IL1RAPL2: variants seen among roughly 807,000 people sequenced by gnomAD.
IL1RAPL2 encodes interleukin 1 receptor accessory protein like 2.
A neutral mutation model predicts 44.1 loss-of-function variants in IL1RAPL2; 3 were observed. The observed-to-expected ratio is 0.07, with a 90% CI of 0.03 to 0.18. The LOEUF is 0.18. Among genes scored for constraint, IL1RAPL2 ranks in the 10% least tolerant of loss-of-function variants. IL1RAPL2 has a pLI of 1.00. For synonymous variants in IL1RAPL2, 181 were observed against 178.8 expected, an observed-to-expected ratio of 1.01 and a Z score of -0.10; for missense variants, 391 against 496.4, an observed-to-expected ratio of 0.79 and a Z score of 2.02.
intron 1 of IL1RAPL2, among the ~76,000 whole-genome samples, chrX:104,591,349 C>T (rs1928661747): frequency 9.0e-6 from 1 of 111,672 alleles, no homozygotes; most frequent in Admixed American, 9.6e-5. Flanking sequence ...AAGGAACAAG[C>T]ACTACAGTGG....
At chrX:104,618,983 C>T (rs1284000394) in intron 1 of IL1RAPL2, among the ~76,000 whole-genome samples, 2 of 112,115 alleles carry the variant, frequency 1.8e-5, no homozygotes, top group Non-Finnish European at 3.8e-5. Flanking sequence ...CACACACAGA[C>T]TGGTTTCCAG....
intron 2 of IL1RAPL2, among the ~76,000 whole-genome samples, chrX:105,092,753 G>C (rs184729676): frequency 1.8e-5 from 2 of 111,178 alleles, no homozygotes; most frequent in African/African-American, 6.5e-5. Flanking sequence ...CTTTCTTACA[G>C]AAAGGTGCAG....
intron 5 of IL1RAPL2, among the ~76,000 whole-genome samples, chrX:105,477,811 A>G (rs752032035): frequency 8.9e-6 from 1 of 111,940 alleles, no homozygotes; most frequent in South Asian, 3.7e-4. Flanking sequence ...TAAGGCTGCT[A>G]TTGCTCTCTT....
chrX:104,889,256 C>T (rs753380390), intron 2 of IL1RAPL2, among the ~76,000 whole-genome samples: 1 of 111,467 alleles, frequency 9.0e-6, no homozygotes, highest in East Asian at 2.8e-4. Context: ...TGAATGCCTG[C>T]TCATCCCCTC....
At chrX:104,773,334 A>G (rs187343628) in intron 2 of IL1RAPL2, among the ~76,000 whole-genome samples, 207 of 112,125 alleles carry the variant, frequency 1.8e-3, no homozygotes, top group Non-Finnish European at 3.2e-3. Flanking sequence ...GTGTAGTTCC[A>G]TTCAGTTATT....
intron 6 of IL1RAPL2, among the ~76,000 whole-genome samples, chrX:105,625,138 G>A: frequency 8.9e-6 from 1 of 111,828 alleles, no homozygotes; most frequent in African/African-American, 3.2e-5. Context: ...ACTAGCATCT[G>A]AAAGGAGCCT....
chrX:104,839,503 G>A (rs1479853473), intron 2 of IL1RAPL2, among the ~76,000 whole-genome samples: 2 of 111,698 alleles, frequency 1.8e-5, no homozygotes, highest in Non-Finnish European at 3.8e-5. Flanking sequence ...TTTTTATTGA[G>A]GATATTTGCG....
At chrX:105,477,265 C>G (rs955876292) in intron 5 of IL1RAPL2, among the ~76,000 whole-genome samples, 1 of 111,496 alleles carries the variant, frequency 9.0e-6, no homozygotes, top group African/African-American at 3.3e-5. Flanking sequence ...CATGATTTTT[C>G]TATACTTTTT....
chrX:105,185,226 T>C (rs1556133195), intron 2 of IL1RAPL2, among the ~76,000 whole-genome samples: 1 of 111,914 alleles, frequency 8.9e-6, no homozygotes, highest in East Asian at 2.8e-4. Context: ...GGAATGAGGA[T>C]AGGACTGTGT....
chrX:105,353,087 C>A (rs78741184), intron 5 of IL1RAPL2, among the ~76,000 whole-genome samples: 619 of 111,221 alleles, frequency 5.6e-3, no homozygotes, highest in Non-Finnish European at 6.7e-3. Context: ...AGTCTTTAAT[C>A]CATCTTGAAT....
chrX:105,642,846 C>T (rs2037578669), intron 6 of IL1RAPL2, among the ~76,000 whole-genome samples: 1 of 112,696 alleles, frequency 8.9e-6, no homozygotes, highest in African/African-American at 3.2e-5. Flanking sequence ...ACCCAAGTCT[C>T]CTGACACCTA....
intron 1 of IL1RAPL2, among the ~76,000 whole-genome samples, chrX:104,631,783 C>T (rs1319341276): frequency 1.8e-4 from 20 of 110,924 alleles, no homozygotes; most frequent in East Asian, 1.1e-3. Context: ...TTCTCCCATT[C>T]TGTAGGTTGC....
chrX:105,495,052 C>T (rs930202331), intron 6 of IL1RAPL2, among the ~76,000 whole-genome samples: 1 of 112,356 alleles, frequency 8.9e-6, no homozygotes, highest in African/African-American at 3.2e-5. Context: ...GTGGAAAAGT[C>T]AAAGGCTGAA....
At chrX:105,006,973 C>A (rs1470979678) in intron 2 of IL1RAPL2, among the ~76,000 whole-genome samples, 1 of 111,069 alleles carries the variant, frequency 9.0e-6, no homozygotes, top group Admixed American at 9.6e-5. Context: ...ATTATAGTCC[C>A]CTCTCAAGGG....
chrX:105,129,959 C>T (rs1305415763), intron 2 of IL1RAPL2, among the ~76,000 whole-genome samples: 3 of 111,135 alleles, frequency 2.7e-5, no homozygotes, highest in Non-Finnish European at 3.8e-5. Flanking sequence ...ACTTCTGTTG[C>T]TGCTGCTGGT....
rs1312763316 is a variant in IL1RAPL2 at position 105,390,554 on chromosome X, G to C, written c.698-93759G>C. 4.5e-5 allele frequency among the ~76,000 whole-genome samples: 5 copies of C among 110,559 alleles called. No homozygotes were observed. In the South Asian group the frequency reaches 1.5e-3, roughly 33 times the overall value. ...AGTATATAGCAGCAATTATCCTCTT[G>C]ATCTGCTTAGTTAAGAGTTAACTAT... On this transcript the variant is annotated intron_variant, in intron 5 of 10. Coordinates refer to ENST00000372582, the MANE Select transcript of IL1RAPL2 (RefSeq NM_017416.2).
At chrX:104,801,931 C>T (rs1602734239) in intron 2 of IL1RAPL2, among the ~76,000 whole-genome samples, 1 of 111,740 alleles carries the variant, frequency 8.9e-6, no homozygotes, top group South Asian at 3.8e-4. Context: ...TAGCTTCGCC[C>T]TGCAACCCAA....
intron 6 of IL1RAPL2, among the ~76,000 whole-genome samples, chrX:105,705,091 G>A (rs185470416): frequency 0.051 from 5,646 of 110,185 alleles, 388 homozygotes; most frequent in African/African-American, 0.18. Context: ...ACATACTCAT[G>A]TGCACACATA....
intron 2 of IL1RAPL2, among the ~76,000 whole-genome samples, chrX:104,904,752 G>A (rs1205490091): frequency 9.1e-6 from 1 of 109,633 alleles, no homozygotes; most frequent in Non-Finnish European, 1.9e-5. Context: ...GAATAATGCT[G>A]CAATAAACAT....
Sources: allele counts gnomAD v4.1 joint callset (sites outside exome capture counted in the v4.1 genomes callset), GRCh38; gene constraint gnomAD v4.1.1; transcripts MANE v1.5; gene names NCBI Gene and HGNC (gene_info 2026-07-23, HGNC 2026-07-21).